Variants in GTF3C1 observed in about 807,000 individuals in gnomAD.
GTF3C1 encodes the protein general transcription factor 3C polypeptide 1.
Under a neutral mutation model 226.7 loss-of-function variants are expected in GTF3C1, and 57 were observed. The ratio of observed to expected loss-of-function variants is 0.25; its 90% CI spans 0.20 to 0.31. The LOEUF (loss-of-function observed/expected upper bound fraction) is 0.31. Ranked by LOEUF, GTF3C1 falls within the 10% of genes least tolerant of loss-of-function variation. The pLI is 1.00. For synonymous variants in GTF3C1, 1,090 were observed against 1,084.8 expected (o/e 1.00, Z -0.09); for missense variants, 2,217 against 2,776.1 (o/e 0.80, Z 4.53).
intron 5 of GTF3C1, among the ~76,000 whole-genome samples, chr16:27,529,074 T>C (rs1340447836): frequency 3.3e-5 from 5 of 151,636 alleles, no homozygotes; most frequent in Non-Finnish European, 5.9e-5. Context: ...GTATTACTAA[T>C]ACAAACACAC....
chr16:27,538,010 A>G, intron 3 of GTF3C1, 83 bp from the exon 4 acceptor site: 1 of 1,468,358 alleles, frequency 6.8e-7, no homozygotes, highest in Non-Finnish European at 9.3e-7. Context: ...CATAAACACC[A>G]GAGACACAAA....
chr16:27,536,255 C>T (rs934111738), intron 4 of GTF3C1, among the ~76,000 whole-genome samples: 3 of 152,200 alleles, frequency 2.0e-5, no homozygotes, highest in Non-Finnish European at 4.4e-5. Context: ...GGTAAGGCTT[C>T]TGATCAACAG....
Position 27,488,632 on chromosome 16 carries a change from TCTC to T in GTF3C1, c.3430_3432del (p.Glu1144del), listed in dbSNP as rs775266567. On this transcript the variant is annotated inframe_deletion and splice_region_variant, in exon 22 of 37. Transcript: ENST00000356183. ...GTGAGTCCATTCTCTGCGGCAGTGTTCTCCTGTGAGACAAGCACAGCACTGGGA... is the reference window on the plus strand; with the variant it reads ...GTGAGTCCATTCTCTGCGGCAGTGTTCTGTGAGACAAGCACAGCACTGGGA... 9 of 1,612,084 alleles carry T rather than the reference TCTC, an allele frequency of 5.6e-6. No individual in the cohort carries two copies. The highest frequency in any genetic ancestry group is 6.8e-6 in the Non-Finnish European group (8 of 1,179,314).
chr16:27,539,292 C>T (rs1378560080), intron 2 of GTF3C1, among the ~76,000 whole-genome samples: 3 of 152,166 alleles, frequency 2.0e-5, no homozygotes, highest in Admixed American at 2.0e-4. Flanking sequence ...ATCATTAGTT[C>T]CTTCCTCTAA....
intron 32 of GTF3C1, among the ~76,000 whole-genome samples, chr16:27,468,902 G>T (rs577795250): frequency 1.6e-4 from 24 of 152,330 alleles, no homozygotes; most frequent in African/African-American, 5.8e-4. Flanking sequence ...TTTCCTAAGA[G>T]CACACACTTT....
At chr16:27,537,982 T>C in intron 3 of GTF3C1, 55 bp from the exon 4 acceptor site, 2 of 1,572,858 alleles carry the variant, frequency 1.3e-6, no homozygotes, top group Non-Finnish European at 8.7e-7. Flanking sequence ...TATCAATGTA[T>C]AGAGTCTCTC....
At chr16:27,513,161 A>G (rs1049528985) in intron 6 of GTF3C1, among the ~76,000 whole-genome samples, 2 of 152,210 alleles carry the variant, frequency 1.3e-5, no homozygotes, top group African/African-American at 4.8e-5. Flanking sequence ...GTAGTATCAC[A>G]GAGTCCTTAG....
chr16:27,496,955 A>G (rs1465916705), intron 14 of GTF3C1, among the ~76,000 whole-genome samples: 1 of 152,180 alleles, frequency 6.6e-6, no homozygotes, highest in African/African-American at 2.4e-5. Flanking sequence ...AAACCTTGAG[A>G]GTAAAGGCCA....
At chr16:27,478,627 G>T in intron 27 of GTF3C1, 96 bp from the exon 28 acceptor site, 1 of 848,108 alleles carries the variant, frequency 1.2e-6, no homozygotes, top group Non-Finnish European at 2.1e-6. Flanking sequence ...TGGCTAAAGT[G>T]TTGGGAGTGG....
chr16:27,488,018 G>T (rs1222633962), intron 23 of GTF3C1, among the ~76,000 whole-genome samples: 1 of 152,132 alleles, frequency 6.6e-6, no homozygotes, highest in African/African-American at 2.4e-5. Flanking sequence ...AGAAAGCAGG[G>T]GAAGCATACG....
At chr16:27,538,081 G>T (rs574275566) in intron 3 of GTF3C1, 99 bp downstream of exon 3, 2 of 1,245,584 alleles carry the variant, frequency 1.6e-6, no homozygotes, top group Admixed American at 2.2e-5. Flanking sequence ...GAAACAAAAA[G>T]CCATGCCTCA....
At position 27,528,562 on chromosome 16, in the gene GTF3C1, C is replaced by T. The variant is rs368653222; in HGVS notation, c.973+36G>A. 170 of 1,566,794 alleles carry T rather than the reference C, an allele frequency of 1.1e-4. 1 individual carries two copies. Among genetic ancestry groups the T allele is most frequent in the Non-Finnish European group, 1.5e-4 (168 of 1,142,212 alleles). On this transcript the variant is annotated intron_variant, in intron 6 of 36. Coordinates refer to ENST00000356183, the MANE Select transcript of GTF3C1 (RefSeq NM_001520.4). ...CTTAGAAGACAGAAGTGAGAGCCAG[C>T]CAGCCAAGGGAACAGAAGCTGAGAC...
chr16:27,466,003 T>C (rs1172300940), intron 32 of GTF3C1: 1 of 173,078 alleles, frequency 5.8e-6, no homozygotes, highest in African/African-American at 2.4e-5. Context: ...CAGGGCTGGC[T>C]ACTGTTGCTT....
intron 6 of GTF3C1, among the ~76,000 whole-genome samples, chr16:27,527,640 A>G (rs1278290869): frequency 6.6e-6 from 1 of 152,182 alleles, no homozygotes; most frequent in Non-Finnish European, 1.5e-5. Flanking sequence ...TGACAATGCC[A>G]CCAACCTTAC....
Position 27,470,582 on chromosome 16 carries a change from T to C in GTF3C1, c.4527-187A>G. On this transcript the variant is annotated intron_variant, in intron 30 of 36. Transcript: ENST00000356183. The surrounding 1 kb of genome is among the most constrained non-coding windows in gnomAD (Gnocchi z 4.9). ...TCCCACCTAGCGGTGTTTGTGTCTC[T>C]CTTCCCCGCTTGCCTGAGTACCTTC... 1 of 592,342 alleles carries C rather than the reference T, an allele frequency of 1.7e-6. No homozygotes were observed. The highest frequency in any genetic ancestry group is 3.0e-6 in the Non-Finnish European group (1 of 333,640). The allele number at this position is 592,342 out of a possible 1,614,324, so 36.7% of individuals were successfully genotyped here.
At chr16:27,537,091 T>C (rs1394259835) in intron 4 of GTF3C1, among the ~76,000 whole-genome samples, 1 of 152,248 alleles carries the variant, frequency 6.6e-6, no homozygotes, top group Non-Finnish European at 1.5e-5. Flanking sequence ...TTGTTATCGC[T>C]TAGCAGAACC....
At position 27,531,487 on chromosome 16, in the gene GTF3C1, G is replaced by A. The variant is rs559008914; in HGVS notation, c.849+1804C>T. Among the ~76,000 whole-genome samples the A allele has an allele frequency of 2.0e-5, 3 of 152,342 alleles. No individual in the cohort carries two copies. The South Asian group carries it at 6.2e-4, about 32-fold the overall frequency. ...GCACCCCTTTCCCTCTACTGGCTCA[G>A]CTACATCCTTCCAGGTATGTGTTCA... On this transcript the variant is annotated intron_variant, in intron 5 of 36. Transcript: ENST00000356183.
chr16:27,476,588 T>C (rs1407212176), intron 28 of GTF3C1, 44 bp from the exon 29 acceptor site: 1 of 1,100,906 alleles, frequency 9.1e-7, no homozygotes, highest in Admixed American at 1.8e-5. Flanking sequence ...CCACAGGCAC[T>C]GCTCAGCTCA....
Position 27,495,504 on chromosome 16 carries a change from G to C in GTF3C1, c.2351-12C>G. On this transcript the variant is annotated splice_polypyrimidine_tract_variant and intron_variant, in intron 14 of 36. Coordinates refer to ENST00000356183, the MANE Select transcript of GTF3C1 (RefSeq NM_001520.4). ...CCCCAGTCCGGGAACTAAAGCAAGA[G>C]AGGGAGAGGGCGGTGCTTGAAAAAT... The C allele has an allele frequency of 6.2e-7, 1 of 1,608,618 alleles. No individual in the cohort carries two copies. Among genetic ancestry groups the C allele is most frequent in the Non-Finnish European group, 8.5e-7 (1 of 1,176,702 alleles).
Sources: allele counts gnomAD v4.1 joint callset (sites outside exome capture counted in the v4.1 genomes callset), GRCh38; gene constraint gnomAD v4.1.1; non-coding constraint Gnocchi (gnomAD v3.1); transcripts MANE v1.5; gene names NCBI Gene and HGNC (gene_info 2026-07-23, HGNC 2026-07-21).